The following RBFOX1 variants were observed in gnomAD, a reference collection of about 807,000 sequenced individuals.
RBFOX1 encodes the protein RNA binding protein fox-1 homolog 1.
Under a neutral mutation model 57.7 loss-of-function variants are expected in RBFOX1, and 8 were observed. The observed-to-expected ratio is 0.14, with a 90% CI of 0.08 to 0.25. RBFOX1 has a LOEUF of 0.25. RBFOX1 is among the 10% of genes least tolerant of loss of function. RBFOX1 has a pLI of 1.00. For synonymous variants in RBFOX1, 326 were observed against 222.4 expected (o/e 1.47, Z -4.15); for missense variants, 611 against 548.5 (o/e 1.11, Z -1.14).
intron 2 of RBFOX1, among the ~76,000 whole-genome samples, chr16:6,546,447 C>T (rs938929505): frequency 2.2e-4 from 34 of 152,184 alleles, no homozygotes; most frequent in Non-Finnish European, 8.8e-5. Flanking sequence ...CCTCTGAAAC[C>T]TGTAAGGGAA....
intron 1 of RBFOX1, among the ~76,000 whole-genome samples, chr16:5,447,621 C>T (rs1215545430): frequency 2.0e-5 from 3 of 152,182 alleles, no homozygotes; most frequent in East Asian, 3.9e-4. Context: ...TGATGTCAAA[C>T]TCCTGACCTT....
At chr16:6,049,228 T>A (rs550129084) in intron 1 of RBFOX1, among the ~76,000 whole-genome samples, 1 of 152,108 alleles carries the variant, frequency 6.6e-6, no homozygotes, top group East Asian at 1.9e-4. Flanking sequence ...CATGCCTGGC[T>A]AATTTTTGTA....
At chr16:7,643,718 A>T (rs1044741377) in intron 11 of RBFOX1, among the ~76,000 whole-genome samples, 1 of 152,202 alleles carries the variant, frequency 6.6e-6, no homozygotes, top group African/African-American at 2.4e-5. Context: ...TGGCAAAGGG[A>T]AACAGCCTGC....
chr16:7,637,020 G>C (rs1244067872), intron 11 of RBFOX1, among the ~76,000 whole-genome samples: 1 of 152,106 alleles, frequency 6.6e-6, no homozygotes, highest in Non-Finnish European at 1.5e-5. Flanking sequence ...TGAGTGGAGA[G>C]GACATAATTT....
At chr16:6,985,164 C>G (rs74010421) in intron 3 of RBFOX1, among the ~76,000 whole-genome samples, 5,626 of 136,034 alleles carry the variant, frequency 0.041, 372 homozygotes, top group African/African-American at 0.14. Flanking sequence ...CCTTCTGTAG[C>G]ATAGTATGGT....
rs376018891 is a variant in RBFOX1 at position 6,040,368 on chromosome 16, C to G, written c.-127+20376C>G. Among the ~76,000 whole-genome samples the G allele has an allele frequency of 5.1e-4, 77 of 152,310 alleles. 2 individuals carry two copies. The South Asian group carries it at 0.012, about 24-fold the overall frequency. On this transcript the variant is annotated intron_variant, in intron 1 of 15. Coordinates refer to ENST00000550418, the MANE Select transcript of RBFOX1 (RefSeq NM_018723.4). ...ATTAAAAAGTAACTCCTCATTCCTT[C>G]CTTCCCTAGTCCCTGGCAACCAACA...
chr16:6,235,276 C>T lies in RBFOX1; in HGVS notation c.-126-81719C>T, dbSNP rs572338175. Among the ~76,000 whole-genome samples, 59 of 152,204 alleles carry T rather than the reference C, an allele frequency of 3.9e-4. 1 individual carries two copies. Among genetic ancestry groups the T allele is most frequent in the African/African-American group, 1.4e-3 (57 of 41,532 alleles). ...CGGAAGGCCTAACTCCCCTCCTCCA[C>T]ACAGAATGAATCACAAGGTGCAATA... On this transcript the variant is annotated intron_variant, in intron 1 of 15. Transcript: ENST00000550418.
Position 6,478,388 on chromosome 16 carries a change from AATATATAT to A in RBFOX1, c.-64+161366_-64+161373del, listed in dbSNP as rs71406379. 5.1e-3 allele frequency among the ~76,000 whole-genome samples: 213 copies of A among 41,480 alleles called. 1 individual carries two copies. Among genetic ancestry groups the A allele is most frequent in the Admixed American group, 9.4e-3 (28 of 2,984 alleles). 27.2% of individuals were successfully genotyped at this position (41,480 alleles called of 152,430 possible). On this transcript the variant is annotated intron_variant, in intron 2 of 15. Coordinates refer to ENST00000550418, the MANE Select transcript of RBFOX1 (RefSeq NM_018723.4). ...CAGGTACCTGCCACTACACCCAGCT[AATATATAT>A]ATATATATATATATATATATATATA...
chr16:7,123,803 A>T (rs1473224315), intron 4 of RBFOX1, among the ~76,000 whole-genome samples: 1 of 152,200 alleles, frequency 6.6e-6, no homozygotes, highest in Non-Finnish European at 1.5e-5. Flanking sequence ...ATTGTTTTAT[A>T]TTTAGAATTT....
At chr16:7,219,959 C>G (rs1400436451) in intron 4 of RBFOX1, among the ~76,000 whole-genome samples, 1 of 152,120 alleles carries the variant, frequency 6.6e-6, no homozygotes, top group Non-Finnish European at 1.5e-5. Context: ...TTTCTGAATT[C>G]AAACCAATTG....
At chr16:7,117,089 A>T (rs903353844) in intron 4 of RBFOX1, among the ~76,000 whole-genome samples, 1 of 152,150 alleles carries the variant, frequency 6.6e-6, no homozygotes, top group African/African-American at 2.4e-5. Context: ...CAGCTAAAAT[A>T]ATGATATATC....
At chr16:6,513,212 G>A (rs1567510667) in intron 2 of RBFOX1, among the ~76,000 whole-genome samples, 1 of 152,152 alleles carries the variant, frequency 6.6e-6, no homozygotes, top group Non-Finnish European at 1.5e-5. Flanking sequence ...GCATATTGGG[G>A]CTTAGGTAAG....
Position 5,267,053 on chromosome 16 carries a change from C to T in RBFOX1, c.219+26948C>T, listed in dbSNP as rs557628077. 3.6e-4 allele frequency among the ~76,000 whole-genome samples: 55 copies of T among 151,846 alleles called. No individual in the cohort carries two copies. The South Asian group carries it at 0.011, about 29-fold the overall frequency. On this transcript the variant is annotated intron_variant, in intron 1 of 2. Transcript: ENST00000585867. ...CCAGGGGCCACTGAGAGGAGCCTTG[C>T]AAGGTGTCATAGCCAAGGAGAGGAG... is the stretch of plus-strand genomic sequence containing the variant.
intron 1 of RBFOX1, among the ~76,000 whole-genome samples, chr16:6,216,110 C>T (rs1014484062): frequency 5.3e-5 from 8 of 152,058 alleles, no homozygotes; most frequent in Non-Finnish European, 1.0e-4. Flanking sequence ...AGGGGAATAA[C>T]GCACACCGGG....
At chr16:5,396,924 A>T (rs376302923) in intron 1 of RBFOX1, among the ~76,000 whole-genome samples, 9 of 152,212 alleles carry the variant, frequency 5.9e-5, no homozygotes, top group African/African-American at 2.2e-4. Context: ...CACCTTGTCC[A>T]GAATCCTATC....
chr16:5,758,328 C>T (rs556782321), intron 3 of RBFOX1, among the ~76,000 whole-genome samples: 17 of 152,256 alleles, frequency 1.1e-4, no homozygotes, highest in African/African-American at 3.4e-4. Flanking sequence ...TCTATTATAA[C>T]AGTAGTGCCA....
intron 4 of RBFOX1, among the ~76,000 whole-genome samples, chr16:7,254,740 T>C (rs1292397418): frequency 2.0e-5 from 3 of 152,296 alleles, no homozygotes; most frequent in East Asian, 3.9e-4. Context: ...AACTAAATTA[T>C]AGGCATTACG....
At chr16:5,241,922 G>A (rs1480259398) in intron 1 of RBFOX1, among the ~76,000 whole-genome samples, 2 of 151,528 alleles carry the variant, frequency 1.3e-5, no homozygotes. Context: ...GCAACGTGGT[G>A]AAGCCTCGCA....
chr16:6,536,538 A>G (rs1355928239), intron 2 of RBFOX1, among the ~76,000 whole-genome samples: 2 of 147,034 alleles, frequency 1.4e-5, no homozygotes, highest in Non-Finnish European at 3.0e-5. Context: ...TCACAAAAGG[A>G]CGATGGGGGG....
Sources: allele counts gnomAD v4.1 joint callset (sites outside exome capture counted in the v4.1 genomes callset), GRCh38; gene constraint gnomAD v4.1.1; transcripts MANE v1.5; gene names NCBI Gene and HGNC (gene_info 2026-07-23, HGNC 2026-07-21).